Variants in SLC36A4 observed in about 807,000 individuals in gnomAD.
SLC36A4 encodes the protein neutral amino acid uniporter 4.
Under a neutral mutation model 50.5 loss-of-function variants are expected in SLC36A4, and 49 were observed. The ratio of observed to expected loss-of-function variants is 0.97; its 90% CI spans 0.77 to 1.23. The LOEUF (loss-of-function observed/expected upper bound fraction) is 1.23, where lower values mean the gene tolerates loss of function less well. Among genes scored for constraint, SLC36A4 ranks in the 50% most tolerant of loss-of-function variants. The probability of loss-of-function intolerance (pLI) is 0.00; values close to 1 mark genes in which losing one functional copy is unlikely to be tolerated. For missense variants in SLC36A4, 611 were observed against 608.4 expected, an observed-to-expected ratio of 1.00 and a Z score of -0.05; for synonymous variants, 207 against 206.5, an observed-to-expected ratio of 1.00 and a Z score of -0.02.
chr11:93,153,603 G>A (rs1202844847), intron 10 of SLC36A4, among the ~76,000 whole-genome samples: 1 of 151,964 alleles, frequency 6.6e-6, no homozygotes, highest in Non-Finnish European at 1.5e-5. Context: ...ATGCTACCTT[G>A]AGAAGGCATT....
At chr11:93,188,923 C>T (rs1460497504) in intron 1 of SLC36A4, among the ~76,000 whole-genome samples, 1 of 152,028 alleles carries the variant, frequency 6.6e-6, no homozygotes, top group Non-Finnish European at 1.5e-5. Context: ...CCAGGCAGGC[C>T]TCTCTCCTTG....
At position 93,168,075 on chromosome 11, in the gene SLC36A4, T is replaced by C. The variant is rs1341996511; in HGVS notation, c.637A>G (p.Met213Val). The change falls in exon 7 of 11, where the codon ATG becomes GTG. Residue 213 changes from methionine (M) to valine (V), a missense_variant. Met to Val is a conservative substitution (Grantham distance 21, BLOSUM62 1). Coordinates refer to ENST00000326402, the MANE Select transcript of SLC36A4 (RefSeq NM_152313.4). ...ATTATAAATGGAAGAAAGCAAAGCA[T>C]ATATATCCTTAGGTCAACACTTCTT... is the stretch of plus-strand genomic sequence containing the variant. Reference protein sequence around the residue: ...ERRSVDLRIYMLCFLPFIILL... With the variant: ...ERRSVDLRIYVLCFLPFIILL... 4 of 1,612,362 alleles carry C rather than the reference T, an allele frequency of 2.5e-6. No homozygotes were observed. Among genetic ancestry groups the C allele is most frequent in the Non-Finnish European group, 3.4e-6 (4 of 1,178,850 alleles).
At chr11:93,184,342 G>T in intron 3 of SLC36A4, 88 bp downstream of exon 3, 1 of 799,276 alleles carries the variant, frequency 1.3e-6, no homozygotes. Context: ...CACCTTACCA[G>T]GTTATATTTG....
chr11:93,172,479 G>A (rs1279230182), intron 6 of SLC36A4, among the ~76,000 whole-genome samples: 2 of 150,568 alleles, frequency 1.3e-5, no homozygotes, highest in East Asian at 2.0e-4. Flanking sequence ...AAGTTTTAGG[G>A]TACATGTGCA....
intron 10 of SLC36A4, 93 bp downstream of exon 10, chr11:93,154,015 G>T: frequency 1.7e-6 from 1 of 599,904 alleles, no homozygotes; most frequent in South Asian, 5.1e-5. Flanking sequence ...TACATCTTAT[G>T]TAGCTTTCAT....
chr11:93,148,887 G>C, intron 10 of SLC36A4, 43 bp from the exon 11 acceptor site: 1 of 1,510,602 alleles, frequency 6.6e-7, no homozygotes, highest in Non-Finnish European at 9.0e-7. Flanking sequence ...TTAAATGTTT[G>C]TTACTTACAT....
At chr11:93,163,375 A>C (rs1395401321) in intron 8 of SLC36A4, among the ~76,000 whole-genome samples, 1 of 152,186 alleles carries the variant, frequency 6.6e-6, no homozygotes, top group African/African-American at 2.4e-5. Context: ...TTTTGTCACC[A>C]TGCCTCCTGT....
intron 9 of SLC36A4, among the ~76,000 whole-genome samples, chr11:93,156,846 C>CTT (rs1477015195): frequency 6.6e-6 from 1 of 152,168 alleles, no homozygotes; most frequent in Admixed American, 6.6e-5. Context: ...TGCAGAAGCT[C>CTT]TTTAGTTTAA....
At position 93,162,738 on chromosome 11, in the gene SLC36A4, G is replaced by A. The variant is rs753527017; in HGVS notation, c.1005C>T (p.Gly335=). Residue 335 remains glycine (G), a synonymous_variant, in exon 9 of 11, where the codon GGC becomes GGT. Transcript: ENST00000326402. ...CTTGGGGAAGATTTAAAGTTATGCTGCCTTTGATTTCATCATGGAAACACA... is the reference window on the plus strand; with the variant it reads ...CTTGGGGAAGATTTAAAGTTATGCTACCTTTGATTTCATCATGGAAACACA... ...GYMCFHDEIK[G]SITLNLPQDV... is the part of the protein sequence containing the mutation. 21 of 1,611,982 alleles carry A rather than the reference G, an allele frequency of 1.3e-5. 1 individual carries two copies. The South Asian group carries it at 2.2e-4, about 17-fold the overall frequency.
intron 1 of SLC36A4, among the ~76,000 whole-genome samples, chr11:93,196,556 CG>C (rs1862436585): frequency 6.6e-6 from 1 of 152,070 alleles, no homozygotes; most frequent in South Asian, 2.1e-4. Flanking sequence ...TTAGTAGAGA[CG>C]GGGTTTCACC....
chr11:93,163,674 T>G (rs1278729225), intron 8 of SLC36A4, among the ~76,000 whole-genome samples: 1 of 152,180 alleles, frequency 6.6e-6, no homozygotes, highest in African/African-American at 2.4e-5. Context: ...CTCATCATAC[T>G]CTGTTTATTG....
rs1312064175 is a variant in SLC36A4, at chr11:93,146,820, TGAGA to T, written c.*1713_*1716del. 2 of 152,090 alleles carry T rather than the reference TGAGA, an allele frequency of 1.3e-5. No individual in the cohort carries two copies. The highest frequency in any genetic ancestry group is 6.6e-5 in the Admixed American group (1 of 15,252). The allele number at this position is 152,090 out of a possible 1,614,324, so 9.4% of individuals were successfully genotyped here. On this transcript the variant is annotated 3_prime_UTR_variant, in exon 11 of 11. Coordinates refer to ENST00000326402, the MANE Select transcript of SLC36A4 (RefSeq NM_152313.4). ...AATAATTTTCATTTTCCCCACTAAC[TGAGA>T]GATTCTTTATCTTGGTTAATAACTT... is the stretch of plus-strand genomic sequence containing the variant.
chr11:93,195,493 T>C (rs78578668), intron 1 of SLC36A4, among the ~76,000 whole-genome samples: 6,311 of 152,220 alleles, frequency 0.041, 185 homozygotes, highest in South Asian at 0.098. Context: ...CACCCATATC[T>C]TTCCTGAATT....
chr11:93,154,113 A>C lies in SLC36A4; in HGVS notation c.1202T>G (p.Ile401Ser). ...AAATATATAATGATACTTACAAGTAATACTAACCAAGAAGGATCTTATCCC... is the reference window on the plus strand; with the variant it reads ...AAATATATAATGATACTTACAAGTACTACTAACCAAGAAGGATCTTATCCC... ...EFGIRSFLVSITCAGAILIPR... is the reference protein window; with the variant it reads ...EFGIRSFLVSSTCAGAILIPR... The change falls in exon 10 of 11, where the codon ATT becomes AGT. Residue 401 changes from isoleucine to serine, a missense_variant. By Grantham distance (142) the Ile-to-Ser change is moderately radical. Transcript: ENST00000326402. 1 of 1,470,900 alleles carries C rather than the reference A, an allele frequency of 6.8e-7. No individual in the cohort carries two copies. 91.1% of individuals were successfully genotyped at this position (1,470,900 alleles called of 1,614,324 possible). A position where few individuals can be genotyped will look rare whatever the true frequency, so the allele number is the denominator to read the frequency against.
In SLC36A4 at chr11:93,145,741, A is replaced by C. The variant is rs553125339; in HGVS notation, c.*2796T>G. 6.6e-6 allele frequency: 1 copy of C among 152,252 alleles called. No individual in the cohort carries two copies. Among genetic ancestry groups the C allele is most frequent in the Admixed American group, 6.5e-5 (1 of 15,286 alleles). The allele number at this position is 152,252 out of a possible 1,614,324, so 9.4% of individuals were successfully genotyped here. On this transcript the variant is annotated 3_prime_UTR_variant, in exon 11 of 11. Transcript: ENST00000326402. The stretch of plus-strand genomic sequence containing the variant: ...TTTAGTCACAGTGTGATGATCCAAA[A>C]GTGATGAGATACAAAATTTGACAGG...
At chr11:93,167,750 T>C (rs1268206867) in intron 7 of SLC36A4, among the ~76,000 whole-genome samples, 194 bp downstream of exon 7, 2 of 152,122 alleles carry the variant, frequency 1.3e-5, no homozygotes, top group Non-Finnish European at 2.9e-5. Context: ...CCACAAAGCC[T>C]GTTTAATCTC....
At position 93,148,600 on chromosome 11, in the gene SLC36A4, A is replaced by T; in HGVS notation, c.1452T>A (p.Ala484=). ...TTAGAAAAGGACTCTGTGGAGTGCC[A>T]GCTACAACTTTGGGAGTAGGATAAA... ...EIIYPTPKVV[A]GTPQSPFLNL... Residue 484 remains alanine, a synonymous_variant, in exon 11 of 11, where the codon GCT becomes GCA. Coordinates refer to ENST00000326402, the MANE Select transcript of SLC36A4 (RefSeq NM_152313.4). 1 of 1,612,870 alleles carries T rather than the reference A, an allele frequency of 6.2e-7. No individual in the cohort carries two copies.
At chr11:93,186,558 G>A (rs574703557) in intron 1 of SLC36A4, among the ~76,000 whole-genome samples, 2 of 151,968 alleles carry the variant, frequency 1.3e-5, no homozygotes, top group African/African-American at 4.8e-5. Flanking sequence ...GTTTTAAGTG[G>A]TACTCTCTGA....
chr11:93,153,721 T>G (rs1445833177), intron 10 of SLC36A4, among the ~76,000 whole-genome samples: 1 of 152,030 alleles, frequency 6.6e-6, no homozygotes, highest in Admixed American at 6.6e-5. Context: ...AACACTTTCC[T>G]GTAGGTAGTT....
Sources: gnomAD v4.1 joint callset for allele counts (sites outside exome capture counted in the v4.1 genomes callset) on GRCh38, gnomAD v4.1.1 for gene constraint, MANE v1.5 for transcripts, NCBI Gene and HGNC (gene_info 2026-07-23, HGNC 2026-07-21) for gene names.